Variants in KCNC2 observed in about 807,000 individuals in gnomAD.
The protein encoded by KCNC2 is potassium voltage-gated channel subfamily C member 2, also known as voltage-gated potassium channel KCNC2.
A neutral mutation model predicts 44.5 loss-of-function variants in KCNC2; 21 were observed. The observed-to-expected ratio is 0.47, with a 90% confidence interval of 0.33 to 0.68. KCNC2 has a LOEUF of 0.68. Among genes scored for constraint, KCNC2 ranks in the 30% least tolerant of loss-of-function variants. KCNC2 has a pLI of 0.01. For synonymous variants in KCNC2, 391 were observed against 339.1 expected, an observed-to-expected ratio of 1.15 and a Z score of -1.68; for missense variants, 589 against 826.2, an observed-to-expected ratio of 0.71 and a Z score of 3.52.
At chr12:75,163,206 C>T (rs567446474) in intron 2 of KCNC2, among the ~76,000 whole-genome samples, 1 of 151,826 alleles carries the variant, frequency 6.6e-6, no homozygotes, top group South Asian at 2.1e-4. Context: ...TTGCTGCTAT[C>T]ATGTGTTTTT....
chr12:75,188,190 C>T (rs181910385), intron 2 of KCNC2, among the ~76,000 whole-genome samples: 38 of 152,202 alleles, frequency 2.5e-4, no homozygotes, highest in African/African-American at 8.7e-4. Flanking sequence ...GAGGAGTTAT[C>T]GATCTTTATT....
At chr12:75,110,005 T>TA (rs888842691) in intron 2 of KCNC2, among the ~76,000 whole-genome samples, 5 of 151,074 alleles carry the variant, frequency 3.3e-5, no homozygotes, top group South Asian at 2.1e-4. Flanking sequence ...TACAAGAATA[T>TA]AAAAAAATCA....
chr12:75,100,373 A>T (rs1023645240), intron 2 of KCNC2, among the ~76,000 whole-genome samples: 1 of 152,066 alleles, frequency 6.6e-6, no homozygotes, highest in African/African-American at 2.4e-5. Flanking sequence ...ACTCCTTATT[A>T]TCTCTGTGAA....
At chr12:75,055,136 C>T (rs962151331) in intron 2 of KCNC2, among the ~76,000 whole-genome samples, 2 of 152,058 alleles carry the variant, frequency 1.3e-5, no homozygotes, top group Non-Finnish European at 2.9e-5. Context: ...GCATCATATT[C>T]ACTTTTTGTA....
At chr12:75,069,900 G>A (rs1375324903) in intron 2 of KCNC2, among the ~76,000 whole-genome samples, 1 of 152,272 alleles carries the variant, frequency 6.6e-6, no homozygotes, top group East Asian at 1.9e-4. Flanking sequence ...ATGTAGTAAA[G>A]CCTATTTCAC....
chr12:75,151,535 C>T (rs1363539606), intron 2 of KCNC2, among the ~76,000 whole-genome samples: 3 of 151,612 alleles, frequency 2.0e-5, no homozygotes, highest in Non-Finnish European at 2.9e-5. Context: ...AATTTCACAA[C>T]CTGAATAAAA....
intron 2 of KCNC2, among the ~76,000 whole-genome samples, chr12:75,193,682 T>C (rs1231177404): frequency 1.3e-5 from 2 of 152,122 alleles, no homozygotes; most frequent in Non-Finnish European, 2.9e-5. Flanking sequence ...CCCATATTGA[T>C]TGAAATGCTC....
At chr12:75,179,167 G>T (rs190120468) in intron 2 of KCNC2, among the ~76,000 whole-genome samples, 350 of 152,074 alleles carry the variant, frequency 2.3e-3, no homozygotes, top group Non-Finnish European at 4.1e-3. Context: ...TAATTAAACA[G>T]TTCAAATCCA....
At chr12:75,099,162 A>G (rs1886173348) in intron 2 of KCNC2, among the ~76,000 whole-genome samples, 1 of 152,242 alleles carries the variant, frequency 6.6e-6, no homozygotes, top group Non-Finnish European at 1.5e-5. Flanking sequence ...CTGAAATGCA[A>G]TAATTTGAAA....
intron 3 of KCNC2, 92 bp downstream of exon 3, chr12:75,050,298 C>G (rs1481882853): frequency 1.0e-6 from 1 of 962,184 alleles, no homozygotes; most frequent in Non-Finnish European, 1.6e-6. Context: ...AACTCATGAA[C>G]ATTTGCAGAA....
At chr12:75,117,658 A>G (rs552653941) in intron 2 of KCNC2, among the ~76,000 whole-genome samples, 2 of 152,250 alleles carry the variant, frequency 1.3e-5, no homozygotes, top group East Asian at 3.9e-4. Context: ...TAAGGTGGAG[A>G]GGGCAATAGT....
At chr12:75,115,854 A>G (rs1887624262) in intron 2 of KCNC2, among the ~76,000 whole-genome samples, 1 of 152,172 alleles carries the variant, frequency 6.6e-6, no homozygotes, top group African/African-American at 2.4e-5. Flanking sequence ...AATAATGAAT[A>G]TAATTACAAT....
chr12:75,097,640 A>G (rs1886044389), intron 2 of KCNC2, among the ~76,000 whole-genome samples: 1 of 152,156 alleles, frequency 6.6e-6, no homozygotes, highest in Non-Finnish European at 1.5e-5. Flanking sequence ...AAAAGGAATG[A>G]GAAGACAAAA....
chr12:75,050,788 A>G lies in KCNC2; in HGVS notation c.1217T>C (p.Val406Ala). The change falls in exon 3 of 5, where the codon GTG becomes GCG. Residue 406 changes from valine (V) to alanine (A), a missense_variant. By Grantham distance (64) the Val-to-Ala change is moderately conservative (BLOSUM62 0). Coordinates refer to ENST00000549446, the MANE Select transcript of KCNC2 (RefSeq NM_139137.4). ...TGAAGGGTCGTTAGGTTGAGCTCCC[A>G]CTCTCTCGGCATAGTAGATCATGGT... ...FATMIYYAER[V>A]GAQPNDPSAS... 1 of 1,612,942 alleles carries G rather than the reference A, an allele frequency of 6.2e-7. No individual in the cohort carries two copies. Among genetic ancestry groups the G allele is most frequent in the Non-Finnish European group, 8.5e-7 (1 of 1,179,714 alleles).
At chr12:75,195,770 C>T (rs1017542260) in intron 2 of KCNC2, among the ~76,000 whole-genome samples, 16 of 152,156 alleles carry the variant, frequency 1.1e-4, no homozygotes, top group African/African-American at 3.6e-4. Context: ...ATGATATTGC[C>T]GATTACAAAT....
At chr12:75,111,015 C>T (rs1887193939) in intron 2 of KCNC2, among the ~76,000 whole-genome samples, 1 of 152,012 alleles carries the variant, frequency 6.6e-6, no homozygotes, top group East Asian at 1.9e-4. Context: ...ATGGAACTTA[C>T]TTTTAATGCA....
chr12:75,063,718 A>G (rs1257050944), intron 2 of KCNC2, among the ~76,000 whole-genome samples: 1 of 152,074 alleles, frequency 6.6e-6, no homozygotes, highest in African/African-American at 2.4e-5. Flanking sequence ...TAAACTCAAT[A>G]AAGTGTTTGA....
intron 2 of KCNC2, among the ~76,000 whole-genome samples, chr12:75,170,091 A>G (rs186768284): frequency 6.6e-6 from 1 of 151,838 alleles, no homozygotes; most frequent in Admixed American, 6.6e-5. Flanking sequence ...TAAAATTATA[A>G]CTACCTTTTT....
chr12:75,050,471 C>T lies in KCNC2; in HGVS notation c.1534G>A (p.Glu512Lys). The T allele has an allele frequency of 6.2e-7, 1 of 1,613,592 alleles. No homozygotes were observed. The highest frequency in any genetic ancestry group is 8.5e-7 in the Non-Finnish European group (1 of 1,179,708). Reference protein sequence around the residue: ...QASSPTFCKTELNMACNSTQS... With the variant: ...QASSPTFCKTKLNMACNSTQS... ...GTACTATTGCAGGCCATATTTAATT[C>T]TGTCTTGCAAAAAGTAGGTGAGCTT... is the stretch of plus-strand genomic sequence containing the variant. The change falls in exon 3 of 5, where the codon GAA becomes AAA. Residue 512 changes from glutamate to lysine, a missense_variant. By Grantham distance (56) the Glu-to-Lys change is moderately conservative (BLOSUM62 1). Coordinates refer to ENST00000549446, the MANE Select transcript of KCNC2 (RefSeq NM_139137.4).
Sources: allele counts gnomAD v4.1 joint callset (sites outside exome capture counted in the v4.1 genomes callset), GRCh38; gene constraint gnomAD v4.1.1; transcripts MANE v1.5; gene names NCBI Gene and HGNC (gene_info 2026-07-23, HGNC 2026-07-21).